The following RCAN2 variants were observed in gnomAD, a reference collection of about 807,000 sequenced individuals.
RCAN2 encodes calcipressin-2.
A neutral mutation model predicts 23.6 loss-of-function variants in RCAN2; 9 were observed. That is an observed-to-expected ratio of 0.38 (90% CI 0.23 to 0.67). The LOEUF is 0.67. Ranked by LOEUF, RCAN2 falls within the 30% of genes least tolerant of loss-of-function variation. The pLI is 0.51. For missense variants in RCAN2, 273 were observed against 302.3 expected (o/e 0.90, Z 0.72); for synonymous variants, 109 against 115.7 (o/e 0.94, Z 0.37).
rs1765525472 is a variant in RCAN2, at chr6:46,378,035, C to G, written c.225+78717G>C. On this transcript the variant is annotated intron_variant, in intron 2 of 4. Coordinates refer to ENST00000371374, the MANE Select transcript of RCAN2 (RefSeq NM_001251974.2). ...CCATAATTACCTGTATCCACAAGCC[C>G]TGTCATAACAGCTGTACATAGTAGG... Among the ~76,000 whole-genome samples, 4 of 152,316 alleles carry G rather than the reference C, an allele frequency of 2.6e-5. No individual in the cohort carries two copies. The South Asian group carries it at 8.3e-4, about 32-fold the overall frequency.
intron 2 of RCAN2, among the ~76,000 whole-genome samples, chr6:46,253,081 T>C (rs1186121644): frequency 6.6e-6 from 1 of 152,232 alleles, no homozygotes; most frequent in Non-Finnish European, 1.5e-5. Context: ...ATTGGTTCCC[T>C]GAGTTATATA....
chr6:46,268,798 G>T (rs9395170), intron 2 of RCAN2, among the ~76,000 whole-genome samples: 119,342 of 152,126 alleles, frequency 0.78, 47,115 homozygotes, highest in Non-Finnish European at 0.83. Context: ...TAATTTTGGA[G>T]TTCAGAACTT....
intron 2 of RCAN2, among the ~76,000 whole-genome samples, chr6:46,367,364 G>C (rs955619185): frequency 6.6e-6 from 1 of 152,008 alleles, no homozygotes; most frequent in Admixed American, 6.6e-5. Context: ...AGGTTCAAAA[G>C]AACACCTGCT....
chr6:46,438,754 T>C (rs1175318566), intron 2 of RCAN2: 2 of 152,206 alleles, frequency 1.3e-5, no homozygotes, highest in Non-Finnish European at 2.9e-5. Context: ...ACCTAACTTG[T>C]ACTATAATTT....
chr6:46,324,361 A>G (rs571768954), intron 2 of RCAN2, among the ~76,000 whole-genome samples: 78 of 152,364 alleles, frequency 5.1e-4, no homozygotes, highest in African/African-American at 1.8e-3. Flanking sequence ...TGACATAGCC[A>G]TGTGCTATGC....
At chr6:46,401,991 A>T (rs1223774379) in intron 2 of RCAN2, among the ~76,000 whole-genome samples, 1 of 152,260 alleles carries the variant, frequency 6.6e-6, no homozygotes, top group African/African-American at 2.4e-5. Context: ...ATGGCAGGTC[A>T]GCAGGAAAAA....
At chr6:46,490,016 T>TG (rs1769096864) in intron 1 of RCAN2, among the ~76,000 whole-genome samples, 1 of 152,230 alleles carries the variant, frequency 6.6e-6, no homozygotes, top group Non-Finnish European at 1.5e-5. Context: ...CCAACTTCAC[T>TG]GTGCCCCCAG....
At chr6:46,399,932 A>T (rs1766201651) in intron 2 of RCAN2, among the ~76,000 whole-genome samples, 1 of 152,208 alleles carries the variant, frequency 6.6e-6, no homozygotes, top group South Asian at 2.1e-4. Flanking sequence ...GATCCATACC[A>T]CTAAGCTGTA....
At position 46,442,986 on chromosome 6, in the gene RCAN2, A is replaced by T. The variant is rs189374631; in HGVS notation, c.225+13766T>A. Among the ~76,000 whole-genome samples, 400 of 152,354 alleles carry T rather than the reference A, an allele frequency of 2.6e-3. 2 individuals carry two copies. Among genetic ancestry groups the T allele is most frequent in the Middle Eastern group, 6.8e-3 (2 of 294 alleles). On this transcript the variant is annotated intron_variant, in intron 2 of 4. Transcript: ENST00000371374. ...ATCTGGCAGGTGCCCCCAAGTGATT[A>T]GCAGTAACTAATTATGGGTCTCAGT...
At chr6:46,255,664 G>A (rs1280492809) in intron 2 of RCAN2, among the ~76,000 whole-genome samples, 3 of 152,088 alleles carry the variant, frequency 2.0e-5, no homozygotes, top group Non-Finnish European at 4.4e-5. Context: ...GGTGACCACC[G>A]ACTCAGGAGG....
intron 2 of RCAN2, among the ~76,000 whole-genome samples, chr6:46,310,378 A>G (rs1244764382): frequency 6.6e-6 from 1 of 152,172 alleles, no homozygotes; most frequent in African/African-American, 2.4e-5. Flanking sequence ...TTCCATGCAC[A>G]AGAAAGAATC....
At chr6:46,464,989 C>A (rs1582224275) in intron 1 of RCAN2, among the ~76,000 whole-genome samples, 2 of 151,726 alleles carry the variant, frequency 1.3e-5, no homozygotes, top group Admixed American at 1.3e-4. Context: ...TTTTAATGCC[C>A]ATGATCTCAC....
At chr6:46,264,407 A>G (rs1488035589) in intron 2 of RCAN2, among the ~76,000 whole-genome samples, 1 of 152,210 alleles carries the variant, frequency 6.6e-6, no homozygotes, top group Non-Finnish European at 1.5e-5. Flanking sequence ...GATATAAGGA[A>G]CTTCTTATGA....
At chr6:46,322,939 C>T (rs951269116) in intron 2 of RCAN2, among the ~76,000 whole-genome samples, 12 of 152,156 alleles carry the variant, frequency 7.9e-5, no homozygotes, top group African/African-American at 2.9e-4. Context: ...ACATTTGGCC[C>T]ACCTTAATTT....
At chr6:46,343,555 T>G (rs2150374213) in intron 2 of RCAN2, among the ~76,000 whole-genome samples, 1 of 152,136 alleles carries the variant, frequency 6.6e-6, no homozygotes, top group East Asian at 1.9e-4. Flanking sequence ...TTTTGTATTT[T>G]TAGTAGAGAC....
intron 2 of RCAN2, among the ~76,000 whole-genome samples, chr6:46,345,974 T>C (rs193235159): frequency 1.3e-3 from 195 of 152,222 alleles, no homozygotes; most frequent in African/African-American, 4.3e-3. Context: ...TAAATATAAA[T>C]ATAAACAAAA....
At chr6:46,257,125 GTAT>G (rs2150323580) in intron 2 of RCAN2, among the ~76,000 whole-genome samples, 1 of 152,310 alleles carries the variant, frequency 6.6e-6, no homozygotes, top group East Asian at 1.9e-4. Context: ...ATGTAAGCAA[GTAT>G]TATTATTTTT....
At chr6:46,404,670 C>A (rs1456783585) in intron 2 of RCAN2, among the ~76,000 whole-genome samples, 1 of 152,044 alleles carries the variant, frequency 6.6e-6, no homozygotes, top group Non-Finnish European at 1.5e-5. Context: ...AGATGTGATA[C>A]AAACAAATTG....
intron 1 of RCAN2, among the ~76,000 whole-genome samples, chr6:46,478,752 A>G (rs1016724355): frequency 6.6e-6 from 1 of 152,220 alleles, no homozygotes; most frequent in Non-Finnish European, 1.5e-5. Flanking sequence ...TTCTTTACTC[A>G]AAAGTAACTA....
Sources: allele counts gnomAD v4.1 joint callset (sites outside exome capture counted in the v4.1 genomes callset), GRCh38; gene constraint gnomAD v4.1.1; transcripts MANE v1.5; gene names NCBI Gene and HGNC (gene_info 2026-07-23, HGNC 2026-07-21).